The following CLIP2 variants were observed in gnomAD, a reference collection of about 807,000 sequenced individuals.
The protein encoded by CLIP2 is CAP-Gly domain-containing linker protein 2.
In CLIP2, 41 loss-of-function variants were observed where a neutral mutation model predicts 111.7. The ratio of observed to expected loss-of-function variants is 0.37; its 90% CI spans 0.29 to 0.48. CLIP2 has a LOEUF of 0.48. Ranked by LOEUF, CLIP2 falls within the 20% of genes least tolerant of loss-of-function variation. The pLI, the probability that CLIP2 is intolerant of heterozygous loss-of-function variation, is 0.99. For synonymous variants in CLIP2, 660 were observed against 644.2 expected, an observed-to-expected ratio of 1.02 and a Z score of -0.37; for missense variants, 1,160 against 1,422.1, an observed-to-expected ratio of 0.82 and a Z score of 2.96.
At chr7:74,356,956 T>A (rs549809288) in intron 5 of CLIP2, among the ~76,000 whole-genome samples, 1 of 152,208 alleles carries the variant, frequency 6.6e-6, no homozygotes, top group East Asian at 1.9e-4. Context: ...GCAGAGGGCA[T>A]TCTGTCCAAA....
chr7:74,388,215 C>G (rs782266637), intron 12 of CLIP2, among the ~76,000 whole-genome samples: 5 of 151,972 alleles, frequency 3.3e-5, no homozygotes, highest in Admixed American at 6.6e-5. Flanking sequence ...ACCTGTAGTC[C>G]CAGCTACTCA....
rs34526196 is a variant in CLIP2 at position 74,310,983 on chromosome 7, C to CTT, written c.-67-6484_-67-6483dup. Among the ~76,000 whole-genome samples, 481 of 142,196 alleles carry CTT rather than the reference C, an allele frequency of 3.4e-3. 3 individuals are homozygous for CTT. The highest frequency in any genetic ancestry group is 9.3e-3 in the African/African-American group (361 of 38,670). The allele number at this position is 142,196 out of a possible 152,430, so 93.3% of individuals were successfully genotyped here. A position where few individuals can be genotyped will look rare whatever the true frequency, so the allele number is the denominator to read the frequency against. ...GCCTGCCTCGAGCTCCTATTTTTAACTTTTTTTTTTTTTTGAGACGGAGTC... is the reference window on the plus strand; with the variant it reads ...GCCTGCCTCGAGCTCCTATTTTTAACTTTTTTTTTTTTTTTTGAGACGGAGTC... On this transcript the variant is annotated intron_variant, in intron 1 of 16. Transcript: ENST00000223398.
chr7:74,371,463 G>A (rs1430468393), intron 8 of CLIP2, among the ~76,000 whole-genome samples: 1 of 147,334 alleles, frequency 6.8e-6, no homozygotes, highest in East Asian at 2.1e-4. Flanking sequence ...TGATTTTCTG[G>A]AAGAGACATG....
chr7:74,328,003 C>G (rs1554730848), intron 2 of CLIP2, among the ~76,000 whole-genome samples: 2 of 152,134 alleles, frequency 1.3e-5, no homozygotes, highest in South Asian at 4.1e-4. Context: ...GGAAGAATGC[C>G]CAGCAGAGCC....
chr7:74,300,449 A>G (rs1788302263), intron 1 of CLIP2, among the ~76,000 whole-genome samples: 2 of 140,832 alleles, frequency 1.4e-5, no homozygotes, highest in Non-Finnish European at 3.0e-5. Context: ...AAAAGACATG[A>G]TTTCATTCTT....
In CLIP2 at chr7:74,389,099, C is replaced by T; in HGVS notation, c.2564-4C>T. 1 of 1,605,262 alleles carries T rather than the reference C, an allele frequency of 6.2e-7. No individual in the cohort carries two copies. The highest frequency in any genetic ancestry group is 1.1e-5 in the South Asian group (1 of 89,638). ...TTCCTCCCTTCCCTGCCGGCTGACCCCAGCGCTGGAGAGCAAGTGTAAGTC... is the reference window on the plus strand; with the variant it reads ...TTCCTCCCTTCCCTGCCGGCTGACCTCAGCGCTGGAGAGCAAGTGTAAGTC... On this transcript the variant is annotated splice_polypyrimidine_tract_variant and splice_region_variant and intron_variant, in intron 12 of 16. Transcript: ENST00000223398.
At chr7:74,323,614 A>G (rs1194815916) in intron 2 of CLIP2, among the ~76,000 whole-genome samples, 2 of 151,954 alleles carry the variant, frequency 1.3e-5, no homozygotes, top group Admixed American at 6.6e-5. Context: ...TTTAGTAGAG[A>G]TGGGGTTTCA....
chr7:74,312,525 C>T (rs1788667231), intron 1 of CLIP2, among the ~76,000 whole-genome samples: 1 of 152,186 alleles, frequency 6.6e-6, no homozygotes, highest in Non-Finnish European at 1.5e-5. Flanking sequence ...TCCCCACTCA[C>T]CTTTGCTGGC....
chr7:74,366,316 A>G (rs1409279638), intron 8 of CLIP2, among the ~76,000 whole-genome samples: 1 of 151,936 alleles, frequency 6.6e-6, no homozygotes, highest in African/African-American at 2.4e-5. Context: ...ACATTGTCCC[A>G]TCCAAGGGCT....
chr7:74,363,600 G>A (rs370515950), intron 7 of CLIP2, among the ~76,000 whole-genome samples: 12 of 152,266 alleles, frequency 7.9e-5, no homozygotes, highest in African/African-American at 2.9e-4. Context: ...AAACAGTGTT[G>A]TCAGCTGGGC....
chr7:74,401,210 A>T (rs1371330900), intron 15 of CLIP2, among the ~76,000 whole-genome samples: 3 of 151,092 alleles, frequency 2.0e-5, no homozygotes, highest in African/African-American at 7.3e-5. Context: ...AGGAACCCTG[A>T]TCTAAAGCGG....
At chr7:74,349,466 GTGTGTATATATATA>G (rs1448688592) in intron 3 of CLIP2, among the ~76,000 whole-genome samples, 13 of 77,516 alleles carry the variant, frequency 1.7e-4, no homozygotes, top group African/African-American at 6.2e-4. Flanking sequence ...GTGTGTGTGT[GTGTGTATATATATA>G]TATATATATA....
intron 13 of CLIP2, among the ~76,000 whole-genome samples, chr7:74,390,974 G>A (rs762175953): frequency 2.6e-5 from 4 of 151,952 alleles, no homozygotes; most frequent in African/African-American, 4.8e-5. Context: ...TCTTGAACCC[G>A]GAAGGCGGAG....
intron 4 of CLIP2, 40 bp downstream of exon 4, chr7:74,354,044 C>G: frequency 1.3e-6 from 2 of 1,583,384 alleles, no homozygotes; most frequent in South Asian, 2.3e-5. Flanking sequence ...GAGGGGGCTC[C>G]TCTCCCCAGG....
At chr7:74,379,994 G>A (rs539099988) in intron 10 of CLIP2, 3 of 152,202 alleles carry the variant, frequency 2.0e-5, no homozygotes, top group Non-Finnish European at 4.4e-5. Context: ...TTACTGCATC[G>A]TATATAAATT....
intron 2 of CLIP2, among the ~76,000 whole-genome samples, chr7:74,322,637 C>T (rs768926347): frequency 6.6e-6 from 1 of 151,882 alleles, no homozygotes; most frequent in African/African-American, 2.4e-5. Flanking sequence ...CTCCTGGCCT[C>T]AAGCAATCCA....
intron 8 of CLIP2, among the ~76,000 whole-genome samples, chr7:74,372,393 C>G (rs1471941801): frequency 1.1e-5 from 1 of 89,612 alleles, no homozygotes; most frequent in African/African-American, 6.5e-5. Flanking sequence ...GCACTTTTAG[C>G]ACAGGCCTTG....
At chr7:74,334,309 G>A (rs189707652) in intron 2 of CLIP2, among the ~76,000 whole-genome samples, 138 of 152,264 alleles carry the variant, frequency 9.1e-4, no homozygotes, top group African/African-American at 3.2e-3. Context: ...GAAGTATCAC[G>A]TGCAGTTGCC....
At chr7:74,308,615 C>T (rs1030547757) in intron 1 of CLIP2, among the ~76,000 whole-genome samples, 5 of 151,862 alleles carry the variant, frequency 3.3e-5, no homozygotes, top group African/African-American at 7.3e-5. Flanking sequence ...AGCGATTCTC[C>T]TGCCTCCACC....
Sources: gnomAD v4.1 joint callset for allele counts (sites outside exome capture counted in the v4.1 genomes callset) on GRCh38, gnomAD v4.1.1 for gene constraint, MANE v1.5 for transcripts, NCBI Gene and HGNC (gene_info 2026-07-23, HGNC 2026-07-21) for gene names.